Variants in CRPPA observed in about 807,000 individuals in gnomAD.
The protein encoded by CRPPA is D-ribitol-5-phosphate cytidylyltransferase.
In CRPPA, 43 loss-of-function variants were observed where a neutral mutation model predicts 52.0. The observed-to-expected ratio is 0.83, with a 90% CI of 0.65 to 1.07. CRPPA has a LOEUF of 1.07. CRPPA is among the 50% of genes least tolerant of loss of function. CRPPA has a pLI of 0.00. For missense variants in CRPPA, 629 were observed against 551.7 expected, an observed-to-expected ratio of 1.14 and a Z score of -1.40; for synonymous variants, 250 against 203.5, an observed-to-expected ratio of 1.23 and a Z score of -1.94.
intron 5 of CRPPA, among the ~76,000 whole-genome samples, chr7:16,287,086 T>C (rs946080614): frequency 1.3e-5 from 2 of 152,190 alleles, no homozygotes; most frequent in South Asian, 2.1e-4. Context: ...TAGATACTTT[T>C]ATATATTTTA....
At chr7:16,342,312 C>T (rs1045077100) in intron 3 of CRPPA, among the ~76,000 whole-genome samples, 10 of 152,082 alleles carry the variant, frequency 6.6e-5, no homozygotes, top group African/African-American at 2.4e-4. Context: ...ACCACTAATT[C>T]TCTCTAATGT....
chr7:16,236,597 A>G (rs1782956042), intron 8 of CRPPA, among the ~76,000 whole-genome samples: 1 of 152,114 alleles, frequency 6.6e-6, no homozygotes, highest in Non-Finnish European at 1.5e-5. Flanking sequence ...GCTTTCCAAA[A>G]CCTGCAAAAG....
intron 3 of CRPPA, among the ~76,000 whole-genome samples, chr7:16,312,592 T>C (rs1291965005): frequency 6.6e-6 from 1 of 151,976 alleles, no homozygotes; most frequent in Non-Finnish European, 1.5e-5. Context: ...GTTCATTTCC[T>C]TCTCTTATTA....
chr7:16,193,889 T>G (rs1481477116), intron 9 of CRPPA, among the ~76,000 whole-genome samples: 1 of 152,080 alleles, frequency 6.6e-6, no homozygotes, highest in African/African-American at 2.4e-5. Flanking sequence ...TTCCCTCAAC[T>G]CTTAAGGAAT....
At chr7:16,144,623 T>G (rs1251158408) in intron 9 of CRPPA, among the ~76,000 whole-genome samples, 1 of 152,180 alleles carries the variant, frequency 6.6e-6, no homozygotes, top group Non-Finnish European at 1.5e-5. Context: ...AAACCGACCT[T>G]TGATCATTCA....
chr7:16,216,200 G>A lies in CRPPA; in HGVS notation c.1120-3C>T, dbSNP rs966721628. On this transcript the variant is annotated splice_region_variant and splice_polypyrimidine_tract_variant and intron_variant, in intron 8 of 9. Transcript: ENST00000407010. ...AATTTAAAATCAAGAAAATGAACCT[G>A]CAAAATATAAAAGACAGTATTTAGA... The A allele has an allele frequency of 1.3e-6, 2 of 1,549,372 alleles. No homozygotes were observed. The highest frequency in any genetic ancestry group is 1.4e-5 in the African/African-American group (1 of 72,584).
rs182442755 is a variant in CRPPA at position 16,376,324 on chromosome 7, C to T, written c.535-83G>A. On this transcript the variant is annotated intron_variant, in intron 2 of 9. Coordinates refer to ENST00000407010, the MANE Select transcript of CRPPA (RefSeq NM_001101426.4). ...TCTGAATTCAGTATCTCACTTTTGA[C>T]AGATCTTATTCATACCTTCAACAAG... The T allele has an allele frequency of 4.2e-5, 58 of 1,367,554 alleles. No individual in the cohort carries two copies. The African/African-American group carries it at 7.2e-4, about 17-fold the overall frequency. The allele number at this position is 1,367,554 out of a possible 1,614,324, so 84.7% of individuals were successfully genotyped here.
intron 3 of CRPPA, among the ~76,000 whole-genome samples, chr7:16,324,865 A>G (rs1263109599): frequency 6.6e-6 from 1 of 152,160 alleles, no homozygotes; most frequent in African/African-American, 2.4e-5. Context: ...TGTACTTGTA[A>G]TGTTTTACAG....
At chr7:16,349,500 T>G (rs1192370187) in intron 3 of CRPPA, among the ~76,000 whole-genome samples, 1 of 152,166 alleles carries the variant, frequency 6.6e-6, no homozygotes, top group East Asian at 1.9e-4. Flanking sequence ...ACAGGGAATT[T>G]AGAACAATGG....
intron 2 of CRPPA, among the ~76,000 whole-genome samples, chr7:16,384,853 C>T (rs550243441): frequency 1.6e-4 from 25 of 152,114 alleles, no homozygotes; most frequent in Non-Finnish European, 3.5e-4. Flanking sequence ...ATGAGAAGGC[C>T]CCACCCATAT....
chr7:16,292,101 C>CA (rs1192386264), intron 5 of CRPPA, among the ~76,000 whole-genome samples: 2 of 151,952 alleles, frequency 1.3e-5, no homozygotes, highest in East Asian at 3.9e-4. Context: ...GTACCAAAAT[C>CA]AAAGTCATAC....
At chr7:16,129,094 A>G (rs956819517) in intron 9 of CRPPA, among the ~76,000 whole-genome samples, 5 of 152,066 alleles carry the variant, frequency 3.3e-5, no homozygotes, top group East Asian at 1.9e-4. Flanking sequence ...CACACCCACT[A>G]TTTTCAGGGG....
chr7:16,294,453 T>C (rs1019102424), intron 5 of CRPPA, among the ~76,000 whole-genome samples: 3 of 115,030 alleles, frequency 2.6e-5, no homozygotes, highest in Non-Finnish European at 5.3e-5. Context: ...GACCCAAATA[T>C]TGAACTTTCC....
Position 16,226,041 on chromosome 7 carries a change from T to G in CRPPA, c.1120-9844A>C, listed in dbSNP as rs73681794. On this transcript the variant is annotated intron_variant, in intron 8 of 9. Transcript: ENST00000407010. ...GTATCCAAGTCATATTAGAAAAGCCTCCACCAATTCATCCTGTGCCTTCTC... is the reference window on the plus strand; with the variant it reads ...GTATCCAAGTCATATTAGAAAAGCCGCCACCAATTCATCCTGTGCCTTCTC... 4.4e-3 allele frequency among the ~76,000 whole-genome samples: 667 copies of G among 152,076 alleles called. 6 individuals carry two copies. Among genetic ancestry groups the G allele is most frequent in the African/African-American group, 0.015 (623 of 41,562 alleles).
At chr7:16,399,556 G>T (rs753887608) in intron 2 of CRPPA, among the ~76,000 whole-genome samples, 1 of 151,826 alleles carries the variant, frequency 6.6e-6, no homozygotes, top group South Asian at 2.1e-4. Context: ...TGACATGAAT[G>T]ACATGACACG....
chr7:16,238,326 A>G (rs534953274), intron 8 of CRPPA, among the ~76,000 whole-genome samples: 1 of 152,194 alleles, frequency 6.6e-6, no homozygotes, highest in Non-Finnish European at 1.5e-5. Context: ...TAAGTAATCT[A>G]TTAGGTAAGG....
intron 3 of CRPPA, among the ~76,000 whole-genome samples, chr7:16,352,551 G>A (rs2128308007): frequency 6.6e-6 from 1 of 152,200 alleles, no homozygotes; most frequent in East Asian, 1.9e-4. Context: ...AAACCATAAT[G>A]AGATATCATC....
intron 3 of CRPPA, among the ~76,000 whole-genome samples, chr7:16,329,453 T>C (rs1295235589): frequency 6.6e-6 from 1 of 152,184 alleles, no homozygotes; most frequent in Non-Finnish European, 1.5e-5. Context: ...GTATTATCTG[T>C]AGGAATTTTT....
rs143733072 is a variant in CRPPA at position 16,208,894 on chromosome 7, G to C, written c.1251+7172C>G. Reference sequence around the variant, plus strand: ...AAAATAAGCTGGATGTTTGGACTTAGAATGAATAGAAAGATTTGAGTCTTT... The same window carrying C: ...AAAATAAGCTGGATGTTTGGACTTACAATGAATAGAAAGATTTGAGTCTTT... On this transcript the variant is annotated intron_variant, in intron 9 of 9. Coordinates refer to ENST00000407010, the MANE Select transcript of CRPPA (RefSeq NM_001101426.4). The C allele has an allele frequency of 4.7e-3, 1,170 of 250,530 alleles. 6 individuals are homozygous for C. Among genetic ancestry groups the C allele is most frequent in the Non-Finnish European group, 7.7e-3 (940 of 122,542 alleles). 15.5% of individuals were successfully genotyped at this position (250,530 alleles called of 1,614,324 possible).
Sources: allele counts gnomAD v4.1 joint callset (sites outside exome capture counted in the v4.1 genomes callset), GRCh38; gene constraint gnomAD v4.1.1; transcripts MANE v1.5; gene names NCBI Gene and HGNC (gene_info 2026-07-23, HGNC 2026-07-21).